The following SORCS2 variants were observed in gnomAD, a reference collection of about 807,000 sequenced individuals.
The protein encoded by SORCS2 is VPS10 domain-containing receptor SorCS2.
A neutral mutation model predicts 141.6 loss-of-function variants in SORCS2; 100 were observed. That is an observed-to-expected ratio of 0.71 (90% CI 0.60 to 0.83). The LOEUF (loss-of-function observed/expected upper bound fraction) is 0.83. Among genes scored for constraint, SORCS2 ranks in the 40% least tolerant of loss-of-function variants. The pLI is 0.00. For missense variants in SORCS2, 1,646 were observed against 1,560.2 expected (o/e 1.05, Z -0.93); for synonymous variants, 789 against 676.9 (o/e 1.17, Z -2.57).
At chr4:7,685,842 C>T (rs1723840721) in intron 10 of SORCS2, among the ~76,000 whole-genome samples, 1 of 152,126 alleles carries the variant, frequency 6.6e-6, no homozygotes. Context: ...CACACAGCCT[C>T]TCAATGAATG....
intron 2 of SORCS2, among the ~76,000 whole-genome samples, chr4:7,508,200 G>A (rs1416891132): frequency 1.3e-5 from 2 of 149,966 alleles, no homozygotes; most frequent in African/African-American, 4.9e-5. Context: ...GGAAGGGAAG[G>A]GGGAGAAGGA....
intron 5 of SORCS2, among the ~76,000 whole-genome samples, chr4:7,656,730 T>G (rs1460072407): frequency 6.6e-6 from 1 of 152,132 alleles, no homozygotes. Context: ...AGCCTTCCTC[T>G]CCATTCGCTC....
Position 7,680,755 on chromosome 4 carries a change from G to C in SORCS2, c.1342-1988G>C, listed in dbSNP as rs138291113. Among the ~76,000 whole-genome samples the C allele has an allele frequency of 5.1e-4, 77 of 152,284 alleles. 2 individuals are homozygous for C. Among genetic ancestry groups the C allele is most frequent in the African/African-American group, 1.8e-3 (74 of 41,558 alleles). ...CTGTCTGCCTGTGTTGATAAGACCT[G>C]GTGGGTCCCAAGGAAAAGAGCCTGC... is the stretch of plus-strand genomic sequence containing the variant. On this transcript the variant is annotated intron_variant, in intron 9 of 26. Transcript: ENST00000507866.
intron 1 of SORCS2, among the ~76,000 whole-genome samples, chr4:7,296,193 C>A (rs956377064): frequency 9.2e-5 from 14 of 152,204 alleles, no homozygotes; most frequent in African/African-American, 3.4e-4. Context: ...CTCTGGGGTG[C>A]CCCCATCTTC....
chr4:7,291,478 C>G (rs1012877186), intron 1 of SORCS2, among the ~76,000 whole-genome samples: 1 of 152,054 alleles, frequency 6.6e-6, no homozygotes, highest in Non-Finnish European at 1.5e-5. Context: ...GGTTCTGGCT[C>G]GGTGGTGGAT....
chr4:7,259,317 A>G (rs1430473829), intron 1 of SORCS2, among the ~76,000 whole-genome samples: 1 of 152,186 alleles, frequency 6.6e-6, no homozygotes. Context: ...GCAGAGTTCA[A>G]TTCCATGACT....
chr4:7,321,975 C>T (rs565565350), intron 1 of SORCS2, among the ~76,000 whole-genome samples: 80 of 152,310 alleles, frequency 5.3e-4, no homozygotes, highest in African/African-American at 1.8e-3. Context: ...CTGTATTGAC[C>T]GTGTTCCTTC....
At chr4:7,498,832 T>C (rs7669829) in intron 2 of SORCS2, among the ~76,000 whole-genome samples, 20,374 of 152,094 alleles carry the variant, frequency 0.13, 1,927 homozygotes, top group African/African-American at 0.27. Context: ...TCCATGGGAG[T>C]GCAGTGCCAT....
chr4:7,512,082 G>A (rs1023867894), intron 2 of SORCS2, among the ~76,000 whole-genome samples: 1 of 152,124 alleles, frequency 6.6e-6, no homozygotes, highest in African/African-American at 2.4e-5. Context: ...GTCACATTCT[G>A]GAATCAACCT....
chr4:7,204,192 G>A (rs1252387135), intron 1 of SORCS2, among the ~76,000 whole-genome samples: 2 of 152,122 alleles, frequency 1.3e-5, no homozygotes, highest in African/African-American at 4.8e-5. Flanking sequence ...AAGTGGGATT[G>A]CTAGATCTTA....
intron 2 of SORCS2, among the ~76,000 whole-genome samples, chr4:7,400,336 A>G (rs951011411): frequency 6.6e-6 from 1 of 152,080 alleles, no homozygotes; most frequent in Non-Finnish European, 1.5e-5. Context: ...CCTGCCCCCC[A>G]TTCAGTCTCC....
intron 3 of SORCS2, among the ~76,000 whole-genome samples, chr4:7,586,725 CTA>C (rs1716562875): frequency 6.6e-6 from 1 of 152,190 alleles, no homozygotes; most frequent in Non-Finnish European, 1.5e-5. Flanking sequence ...TTTACCCAGT[CTA>C]TCATGGATGG....
chr4:7,597,102 T>G (rs1717319595), intron 3 of SORCS2, among the ~76,000 whole-genome samples: 1 of 150,980 alleles, frequency 6.6e-6, no homozygotes, highest in Admixed American at 6.6e-5. Context: ...TTGAAAAGAC[T>G]GTTGAAATAA....
At chr4:7,291,084 A>AG (rs1716569655) in intron 1 of SORCS2, among the ~76,000 whole-genome samples, 1 of 152,090 alleles carries the variant, frequency 6.6e-6, no homozygotes, top group Non-Finnish European at 1.5e-5. Flanking sequence ...GGCATGGAGC[A>AG]GGGGGGACAG....
intron 1 of SORCS2, among the ~76,000 whole-genome samples, chr4:7,246,573 G>T (rs534797538): frequency 2.0e-5 from 3 of 152,214 alleles, no homozygotes; most frequent in Non-Finnish European, 2.9e-5. Flanking sequence ...CACAGATCTT[G>T]TCTGTGGCTC....
chr4:7,192,561 G>C lies in SORCS2; in HGVS notation c.-86G>C, dbSNP rs1032700666. 2.0e-5 allele frequency: 20 copies of C among 975,884 alleles called. No homozygotes were observed. The East Asian group carries it at 1.6e-3, about 78-fold the overall frequency. 60.5% of individuals were successfully genotyped at this position (975,884 alleles called of 1,614,324 possible). A position where few individuals can be genotyped will look rare whatever the true frequency, so the allele number is the denominator to read the frequency against. On this transcript the variant is annotated 5_prime_UTR_variant, in exon 1 of 27. Coordinates refer to ENST00000507866, the MANE Select transcript of SORCS2 (RefSeq NM_020777.3). The surrounding 1 kb of genome is among the most constrained non-coding windows in gnomAD (Gnocchi z 4.0). ...CTCCTTTCTCTGCGCTCTCGCTCGC[G>C]CTCCCCAGCGCCCTCCTGCTCTCCC... is the stretch of plus-strand genomic sequence containing the variant.
chr4:7,589,734 T>C (rs868468863), intron 3 of SORCS2, among the ~76,000 whole-genome samples: 28 of 152,226 alleles, frequency 1.8e-4, no homozygotes, highest in Admixed American at 5.9e-4. Context: ...CTGTGTGTAG[T>C]AATACCATGA....
chr4:7,436,874 G>A (rs1487018888), intron 2 of SORCS2, among the ~76,000 whole-genome samples: 1 of 152,192 alleles, frequency 6.6e-6, no homozygotes, highest in African/African-American at 2.4e-5. Flanking sequence ...TGGGTCTTAT[G>A]GAGGAGCGGC....
At chr4:7,211,444 C>G (rs969587777) in intron 1 of SORCS2, among the ~76,000 whole-genome samples, 18 of 152,142 alleles carry the variant, frequency 1.2e-4, no homozygotes, top group African/African-American at 4.3e-4. Flanking sequence ...GGCTGGAGTG[C>G]AGTGGCGCGA....
Sources: allele counts gnomAD v4.1 joint callset (sites outside exome capture counted in the v4.1 genomes callset), GRCh38; gene constraint gnomAD v4.1.1; non-coding constraint Gnocchi (gnomAD v3.1); transcripts MANE v1.5; gene names NCBI Gene and HGNC (gene_info 2026-07-23, HGNC 2026-07-21).